APBB2: variants seen among roughly 807,000 people sequenced by gnomAD.
The protein encoded by APBB2 is Fe65-like 1.
APBB2 carries 38 observed loss-of-function variants against 82.5 expected under a neutral mutation model. The ratio of observed to expected loss-of-function variants is 0.46; its 90% confidence interval spans 0.36 to 0.60. APBB2 has a LOEUF of 0.60. Ranked by LOEUF, APBB2 falls within the 20% of genes least tolerant of loss-of-function variation. APBB2 has a pLI of 0.00. For missense variants in APBB2, 772 were observed against 972.3 expected (o/e 0.79, Z 2.74); for synonymous variants, 341 against 368.2 (o/e 0.93, Z 0.85).
intron 3 of APBB2, among the ~76,000 whole-genome samples, chr4:41,084,308 C>G (rs1738830708): frequency 6.6e-6 from 1 of 152,124 alleles, no homozygotes; most frequent in African/African-American, 2.4e-5. Flanking sequence ...CCTGTAATCC[C>G]AGCTAATTAG....
intron 12 of APBB2, among the ~76,000 whole-genome samples, chr4:40,875,727 G>A (rs542442771): frequency 2.6e-5 from 4 of 152,166 alleles, no homozygotes; most frequent in Admixed American, 6.5e-5. Flanking sequence ...AGTGATTAGG[G>A]CTCAGACTCT....
chr4:41,054,508 GT>G lies in APBB2; in HGVS notation c.-51+11067del, dbSNP rs575628061. ...GGGCAGTGAGTGGGCAATTAATTGT[GT>G]CTCCATTTTGAGTCTCCATCTTGGG... On this transcript the variant is annotated intron_variant, in intron 4 of 17. Coordinates refer to ENST00000508593, the MANE Select transcript of APBB2 (RefSeq NM_004307.2). Among the ~76,000 whole-genome samples, 45 of 152,274 alleles carry G rather than the reference GT, an allele frequency of 3.0e-4. 1 individual carries two copies. The South Asian group carries it at 8.7e-3, about 29-fold the overall frequency.
rs537731348 is a variant in APBB2 at position 40,830,469 on chromosome 4, G to A, written c.1638C>T (p.Cys546=). The A allele has an allele frequency of 6.2e-7, 1 of 1,612,418 alleles. No homozygotes were observed. The highest frequency in any genetic ancestry group is 1.1e-5 in the South Asian group (1 of 91,054). ...KAIATSLHEI[C]SKIMAERKNA... ...CTGCCCTGACCCACCTTACCTTGGA[G>A]CAGATCTCGTGGAGACTTGTGGCAA... Residue 546 remains cysteine, a synonymous_variant, in exon 13 of 18, where the codon TGC becomes TGT. Coordinates refer to ENST00000508593, the MANE Select transcript of APBB2 (RefSeq NM_004307.2).
chr4:41,208,919 C>T (rs1236531788), intron 1 of APBB2, among the ~76,000 whole-genome samples: 1 of 152,102 alleles, frequency 6.6e-6, no homozygotes, highest in Non-Finnish European at 1.5e-5. Context: ...ACGTCCATTA[C>T]AGAAAACAAG....
chr4:40,867,707 ACT>A (rs1304176090), intron 12 of APBB2, among the ~76,000 whole-genome samples: 4 of 152,086 alleles, frequency 2.6e-5, no homozygotes, highest in Non-Finnish European at 5.9e-5. Flanking sequence ...GTTCCCATGT[ACT>A]CTCATTCCTG....
At chr4:40,939,456 G>A (rs13110219) in intron 7 of APBB2, among the ~76,000 whole-genome samples, 89,925 of 152,026 alleles carry the variant, frequency 0.59, 27,370 homozygotes, top group South Asian at 0.73. Flanking sequence ...AATACAAAGG[G>A]TTACGAATCA....
At chr4:41,204,412 C>T (rs1319997738) in intron 1 of APBB2, among the ~76,000 whole-genome samples, 1 of 152,126 alleles carries the variant, frequency 6.6e-6, no homozygotes, top group Non-Finnish European at 1.5e-5. Flanking sequence ...GGTGGAGGCA[C>T]GCATTCAGAA....
intron 3 of APBB2, among the ~76,000 whole-genome samples, chr4:41,080,758 A>G (rs1409460082): frequency 7.0e-6 from 1 of 143,452 alleles, no homozygotes; most frequent in African/African-American, 2.6e-5. Flanking sequence ...GCTGGAGTGC[A>G]GTGGCATGAT....
At chr4:41,194,514 C>CT in intron 1 of APBB2, among the ~76,000 whole-genome samples, 1 of 152,188 alleles carries the variant, frequency 6.6e-6, no homozygotes, top group Admixed American at 6.5e-5. Context: ...AAAACCCTGT[C>CT]TCTACCAAAA....
chr4:41,204,208 T>C (rs916770715), intron 1 of APBB2, among the ~76,000 whole-genome samples: 1 of 152,194 alleles, frequency 6.6e-6, no homozygotes, highest in African/African-American at 2.4e-5. Flanking sequence ...TGAAATATGT[T>C]CGGTGCCTCA....
chr4:40,875,839 T>C (rs929600181), intron 12 of APBB2, among the ~76,000 whole-genome samples: 2 of 152,242 alleles, frequency 1.3e-5, no homozygotes, highest in African/African-American at 4.8e-5. Context: ...GAGGATTTCA[T>C]TGCCAGTAGA....
chr4:41,064,137 C>T (rs1434643141), intron 4 of APBB2, among the ~76,000 whole-genome samples: 1 of 152,078 alleles, frequency 6.6e-6, no homozygotes, highest in East Asian at 1.9e-4. Flanking sequence ...CGCCCCCACA[C>T]CTGGCTAATT....
Position 40,907,377 on chromosome 4 carries a change from ATATTTT to A in APBB2, c.1255-13972_1255-13967del, listed in dbSNP as rs1777250839. Among the ~76,000 whole-genome samples the A allele has an allele frequency of 6.4e-4, 18 of 28,272 alleles. No individual in the cohort carries two copies. The East Asian group carries it at 0.024, about 38-fold the overall frequency. 18.5% of individuals were successfully genotyped at this position (28,272 alleles called of 152,430 possible). On this transcript the variant is annotated intron_variant, in intron 10 of 17. Coordinates refer to ENST00000508593, the MANE Select transcript of APBB2 (RefSeq NM_004307.2). ...TATATATATATATATATATATATATATATTTTTTTTTTTTTTTTTTTTTAGACAGAG... is the reference window on the plus strand; with the variant it reads ...TATATATATATATATATATATATATATTTTTTTTTTTTTTTTTAGACAGAG...
intron 13 of APBB2, 29 bp from the exon 14 acceptor site, chr4:40,827,248 C>A (rs767906099): frequency 1.2e-6 from 2 of 1,605,104 alleles, no homozygotes; most frequent in South Asian, 1.1e-5. Context: ...AGCTTTGGAG[C>A]GTGGGTTCAA....
At chr4:41,161,796 G>T (rs1046258196) in intron 1 of APBB2, among the ~76,000 whole-genome samples, 5 of 152,100 alleles carry the variant, frequency 3.3e-5, no homozygotes, top group African/African-American at 1.2e-4. Flanking sequence ...AAATTCCAGT[G>T]TAAAGTTCTT....
chr4:41,030,258 C>T (rs1262463770), intron 5 of APBB2, among the ~76,000 whole-genome samples: 2 of 152,046 alleles, frequency 1.3e-5, no homozygotes, highest in Admixed American at 1.3e-4. Flanking sequence ...CTTGCCATTC[C>T]CAACATAACA....
chr4:41,089,133 C>A lies in APBB2; in HGVS notation c.-149+11506G>T, dbSNP rs542423422. 9.2e-5 allele frequency among the ~76,000 whole-genome samples: 14 copies of A among 152,224 alleles called. No individual in the cohort carries two copies. The South Asian group carries it at 2.1e-3, about 23-fold the overall frequency. On this transcript the variant is annotated intron_variant, in intron 3 of 17. Transcript: ENST00000508593. The stretch of plus-strand genomic sequence containing the variant: ...GGACATTGACAACCGAGGCTGATAT[C>A]CAGTGGGTGGGTGTCAGGATGACCA...
rs186709373 is a variant in APBB2, at chr4:41,210,153, T to C, written c.-417+4252A>G. 1.1e-3 allele frequency among the ~76,000 whole-genome samples: 165 copies of C among 152,314 alleles called. 1 individual carries two copies. Among genetic ancestry groups the C allele is most frequent in the Middle Eastern group, 0.01 (3 of 292 alleles). ...TGCCCGCCGCTCACCTCCTGCTCTA[T>C]GGCCCGGTTCCTAATAGGCCACTGA... On this transcript the variant is annotated intron_variant, in intron 1 of 17. Coordinates refer to ENST00000508593, the MANE Select transcript of APBB2 (RefSeq NM_004307.2).
At chr4:41,022,522 T>C (rs1184981767) in intron 5 of APBB2, among the ~76,000 whole-genome samples, 1 of 152,224 alleles carries the variant, frequency 6.6e-6, no homozygotes, top group Non-Finnish European at 1.5e-5. Context: ...TCAGAAAAGA[T>C]GTCACCGCTT....
Sources: allele counts gnomAD v4.1 joint callset (sites outside exome capture counted in the v4.1 genomes callset), GRCh38; gene constraint gnomAD v4.1.1; transcripts MANE v1.5; gene names NCBI Gene and HGNC (gene_info 2026-07-23, HGNC 2026-07-21).